ERC1: variants seen among roughly 807,000 people sequenced by gnomAD.
ERC1 encodes the protein RAB6 interacting protein 2.
Under a neutral mutation model 132.0 loss-of-function variants are expected in ERC1, and 56 were observed. The observed-to-expected ratio is 0.42, with a 90% CI of 0.34 to 0.53. ERC1 has a LOEUF of 0.53. Ranked by LOEUF, ERC1 falls within the 20% of genes least tolerant of loss-of-function variation. ERC1 has a pLI of 0.03. For synonymous variants in ERC1, 478 were observed against 476.1 expected (o/e 1.00, Z -0.05); for missense variants, 1,202 against 1,349.9 (o/e 0.89, Z 1.72).
chr12:1,268,701 G>A (rs1374137344), intron 14 of ERC1, among the ~76,000 whole-genome samples: 1 of 152,206 alleles, frequency 6.6e-6, no homozygotes, highest in Admixed American at 6.5e-5. Flanking sequence ...GGGAGGCAGA[G>A]TTTGCAGTGA....
intron 8 of ERC1, among the ~76,000 whole-genome samples, chr12:1,156,331 C>T (rs2154258336): frequency 6.6e-6 from 1 of 152,174 alleles, no homozygotes; most frequent in South Asian, 2.1e-4. Context: ...CTCTGCCTCC[C>T]AGGTTCAAAC....
At chr12:1,242,149 T>C (rs2075852375) in intron 13 of ERC1, among the ~76,000 whole-genome samples, 1 of 152,186 alleles carries the variant, frequency 6.6e-6, no homozygotes, top group Non-Finnish European at 1.5e-5. Flanking sequence ...TTTTTGCATT[T>C]CTTTTGCCCT....
At chr12:1,380,423 T>C (rs1408317892) in intron 16 of ERC1, 2 of 152,256 alleles carry the variant, frequency 1.3e-5, no homozygotes, top group Admixed American at 6.5e-5. Context: ...TGTCTCCTTC[T>C]CAGATAAGCA....
chr12:1,071,041 T>A (rs550708144), intron 2 of ERC1, among the ~76,000 whole-genome samples: 1 of 152,378 alleles, frequency 6.6e-6, no homozygotes, highest in South Asian at 2.1e-4. Flanking sequence ...GTTATCCTTT[T>A]ATATACTGAG....
intron 16 of ERC1, among the ~76,000 whole-genome samples, chr12:1,406,350 C>A (rs1257525216): frequency 6.6e-6 from 1 of 152,104 alleles, no homozygotes; most frequent in Non-Finnish European, 1.5e-5. Flanking sequence ...ATTTTTAATT[C>A]ATCTAGAAAC....
In ERC1 at chr12:1,189,949, G is replaced by A. The variant is rs144918860; in HGVS notation, c.2248G>A (p.Glu750Lys). 1 of 1,614,090 alleles carries A rather than the reference G, an allele frequency of 6.2e-7. No individual in the cohort carries two copies. The highest frequency in any genetic ancestry group is 8.5e-7 in the Non-Finnish European group (1 of 1,179,976). The change falls in exon 12 of 19, where the codon GAA (glutamate) becomes AAA (lysine). Residue 750 changes from glutamate (E) to lysine (K), a missense_variant. By Grantham distance (56) the Glu-to-Lys change is moderately conservative. Transcript: ENST00000360905. ...GAGAGAGATCACCAGGTACAAAGATGAATCTAGCAAGGCCCAGGCAGAAGT... is the reference window on the plus strand; with the variant it reads ...GAGAGAGATCACCAGGTACAAAGATAAATCTAGCAAGGCCCAGGCAGAAGT... ...LEREITRYKD[E>K]SSKAQAEVDR...
intron 2 of ERC1, among the ~76,000 whole-genome samples, chr12:1,079,958 C>T (rs1233245517): frequency 1.3e-5 from 2 of 152,178 alleles, no homozygotes; most frequent in East Asian, 1.9e-4. Flanking sequence ...TACAATTGTA[C>T]ATACTTTGTG....
intron 7 of ERC1, among the ~76,000 whole-genome samples, chr12:1,118,950 C>T (rs1323942042): frequency 2.0e-5 from 3 of 152,186 alleles, no homozygotes; most frequent in Admixed American, 1.3e-4. Flanking sequence ...ATTAATAGCT[C>T]ATTGCAGCCT....
intron 16 of ERC1, among the ~76,000 whole-genome samples, chr12:1,401,052 C>T (rs964416886): frequency 2.0e-5 from 3 of 150,480 alleles, no homozygotes; most frequent in Non-Finnish European, 4.4e-5. Flanking sequence ...TCTCCTGCCT[C>T]AGCCTCCCGA....
intron 2 of ERC1, among the ~76,000 whole-genome samples, chr12:1,054,577 G>C (rs1283813341): frequency 2.6e-5 from 4 of 151,878 alleles, no homozygotes; most frequent in Admixed American, 6.6e-5. Context: ...TTTTCTCCTG[G>C]CATGTCACTG....
At chr12:1,486,171 C>A (rs564762244) in intron 18 of ERC1, among the ~76,000 whole-genome samples, 1 of 152,286 alleles carries the variant, frequency 6.6e-6, no homozygotes, top group African/African-American at 2.4e-5. Flanking sequence ...TTTCTTGACT[C>A]TTCTCTATAT....
intron 12 of ERC1, among the ~76,000 whole-genome samples, chr12:1,208,676 G>A (rs1051071243): frequency 6.6e-5 from 10 of 152,164 alleles, no homozygotes; most frequent in African/African-American, 1.9e-4. Flanking sequence ...TTTGGCAGCT[G>A]TTGGCGTGTT....
intron 17 of ERC1, among the ~76,000 whole-genome samples, chr12:1,426,095 T>G (rs796169176): frequency 1.0e-4 from 15 of 149,370 alleles, no homozygotes; most frequent in African/African-American, 3.5e-4. Flanking sequence ...ACACAGGGAG[T>G]TTTTAGATTT....
intron 2 of ERC1, among the ~76,000 whole-genome samples, chr12:1,037,770 C>A (rs930340611): frequency 6.6e-6 from 1 of 152,116 alleles, no homozygotes; most frequent in Non-Finnish European, 1.5e-5. Flanking sequence ...TCCGGCCTGG[C>A]GCAGTGGCTC....
At chr12:1,260,500 T>C (rs1292888771) in intron 13 of ERC1, among the ~76,000 whole-genome samples, 7 of 152,208 alleles carry the variant, frequency 4.6e-5, no homozygotes, top group African/African-American at 1.7e-4. Context: ...CTGTTGATAC[T>C]CTGGTATTTG....
intron 14 of ERC1, among the ~76,000 whole-genome samples, chr12:1,264,535 G>A (rs1166683472): frequency 2.0e-5 from 3 of 152,022 alleles, no homozygotes; most frequent in Non-Finnish European, 4.4e-5. Flanking sequence ...GTGGTGGCGG[G>A]CGCCTGTAGT....
chr12:1,177,392 A>T (rs1429771355), intron 8 of ERC1, among the ~76,000 whole-genome samples: 1 of 152,148 alleles, frequency 6.6e-6, no homozygotes, highest in African/African-American at 2.4e-5. Context: ...ATTTGACTTA[A>T]TCATTTCTAA....
At chr12:1,247,027 G>T (rs2076195155) in intron 13 of ERC1, among the ~76,000 whole-genome samples, 1 of 152,074 alleles carries the variant, frequency 6.6e-6, no homozygotes, top group Non-Finnish European at 1.5e-5. Context: ...TACTTGGGAG[G>T]CTGAAGAGGG....
At chr12:1,351,973 T>G (rs2085041465) in intron 15 of ERC1, among the ~76,000 whole-genome samples, 1 of 152,210 alleles carries the variant, frequency 6.6e-6, no homozygotes, top group Admixed American at 6.5e-5. Flanking sequence ...GTTAAACGGT[T>G]GGTAAGTAAA....
Sources: gnomAD v4.1 joint callset for allele counts (sites outside exome capture counted in the v4.1 genomes callset) on GRCh38, gnomAD v4.1.1 for gene constraint, MANE v1.5 for transcripts, NCBI Gene and HGNC (gene_info 2026-07-23, HGNC 2026-07-21) for gene names.